Variants in CEP85L observed in about 807,000 individuals in gnomAD.
CEP85L encodes centrosomal protein 85L.
Under a neutral mutation model 100.3 loss-of-function variants are expected in CEP85L, and 60 were observed. That is an observed-to-expected ratio of 0.60 (90% CI 0.49 to 0.74). CEP85L has a LOEUF of 0.74. Among genes scored for constraint, CEP85L ranks in the 30% least tolerant of loss-of-function variants. The probability of loss-of-function intolerance (pLI) is 0.00; values close to 1 mark genes in which losing one functional copy is unlikely to be tolerated. For synonymous variants in CEP85L, 319 were observed against 322.7 expected, an observed-to-expected ratio of 0.99 and a Z score of 0.12; for missense variants, 973 against 936.2, an observed-to-expected ratio of 1.04 and a Z score of -0.51.
chr6:118,617,437 T>C lies in CEP85L; in HGVS notation c.232+15016A>G, dbSNP rs1048616874. ...ACTGTTTGTAAGTTCTATAAGATCC[T>C]GCTTTTTTGCTGTGCAGCTGCAAGG... On this transcript the variant is annotated intron_variant, in intron 2 of 12. Coordinates refer to ENST00000368491, the MANE Select transcript of CEP85L (RefSeq NM_001042475.3). Among the ~76,000 whole-genome samples the C allele has an allele frequency of 2.0e-5, 3 of 152,352 alleles. No homozygotes were observed. The South Asian group carries it at 6.2e-4, about 32-fold the overall frequency.
At position 118,566,135 on chromosome 6, in the gene CEP85L, C is replaced by T. The variant is rs202011854; in HGVS notation, c.414G>A (p.Arg138=). 27 of 1,614,048 alleles carry T rather than the reference C, an allele frequency of 1.7e-5. No homozygotes were observed. The highest frequency in any genetic ancestry group is 2.2e-5 in the South Asian group (2 of 91,090). Residue 138 remains arginine, a synonymous_variant, in exon 3 of 13, where the codon AGG becomes AGA. Coordinates refer to ENST00000368491, the MANE Select transcript of CEP85L (RefSeq NM_001042475.3). ...TGTCTAGGGAAGAGTCCTGCTCCCC[C>T]CTACTGTGGTTTCCCAATGTTTGCA... ...SLMQTLGNHS[R]GEQDSSLDMK... is the part of the protein sequence containing the mutation.
chr6:118,590,663 G>T (rs558451797), intron 2 of CEP85L, among the ~76,000 whole-genome samples: 37 of 152,010 alleles, frequency 2.4e-4, no homozygotes, highest in African/African-American at 8.4e-4. Context: ...TCAGCTTGGA[G>T]CCCCCCTCCA....
At position 118,480,524 on chromosome 6, in the gene CEP85L, A is replaced by G; in HGVS notation, c.1746-11T>C. The stretch of plus-strand genomic sequence containing the variant: ...ACTTTTTGTTGCAAACTATTTCAAA[A>G]GACAATTATATGAAGAAAATAAGCT... On this transcript the variant is annotated splice_polypyrimidine_tract_variant and intron_variant, in intron 8 of 12. Coordinates refer to ENST00000368491, the MANE Select transcript of CEP85L (RefSeq NM_001042475.3). 2 of 1,515,096 alleles carry G rather than the reference A, an allele frequency of 1.3e-6. No homozygotes were observed. The highest frequency in any genetic ancestry group is 1.1e-5 in the South Asian group (1 of 87,138). 93.9% of individuals were successfully genotyped at this position (1,515,096 alleles called of 1,614,324 possible). A position where few individuals can be genotyped will look rare whatever the true frequency, so the allele number is the denominator to read the frequency against.
intron 1 of CEP85L, among the ~76,000 whole-genome samples, chr6:118,645,640 C>T (rs1006728690): frequency 1.1e-4 from 17 of 152,178 alleles, no homozygotes; most frequent in African/African-American, 3.6e-4. Context: ...CAACCGCACT[C>T]CAGCCTGACT....
intron 3 of CEP85L, chr6:118,548,316 A>G (rs1330168339): frequency 6.6e-6 from 1 of 152,150 alleles, no homozygotes; most frequent in Non-Finnish European, 1.5e-5. Flanking sequence ...TGACAGAGTC[A>G]GAAAACTCCC....
At position 118,678,405 on chromosome 6, in the gene CEP85L, A is replaced by G. The variant is rs74527352; in HGVS notation, c.-27-25597T>C. Among the ~76,000 whole-genome samples, 91 of 152,352 alleles carry G rather than the reference A, an allele frequency of 6.0e-4. 2 individuals are homozygous for G. The East Asian group carries it at 0.017, about 29-fold the overall frequency. Reference sequence around the variant, plus strand: ...TCTGGCATCATTGTCAGAAACTGGGAGAATAAGTCCTTCATTCCCAAAGGC... The same window carrying G: ...TCTGGCATCATTGTCAGAAACTGGGGGAATAAGTCCTTCATTCCCAAAGGC... On this transcript the variant is annotated intron_variant, in intron 1 of 13. Transcript: ENST00000368488.
chr6:118,614,366 ATTC>A (rs1010965084), intron 2 of CEP85L, among the ~76,000 whole-genome samples: 23 of 152,306 alleles, frequency 1.5e-4, no homozygotes, highest in African/African-American at 5.5e-4. Context: ...ATTGTGCTAG[ATTC>A]TTCTAGTCAC....
chr6:118,645,945 C>T (rs1008084494), intron 1 of CEP85L, among the ~76,000 whole-genome samples: 3 of 152,126 alleles, frequency 2.0e-5, no homozygotes, highest in Admixed American at 6.5e-5. Context: ...TGGGGCCAGG[C>T]GTGGTGGCTC....
chr6:118,529,595 G>A (rs6930900), intron 3 of CEP85L, among the ~76,000 whole-genome samples: 94,737 of 136,936 alleles, frequency 0.69, 32,693 homozygotes, highest in Middle Eastern at 0.77. Context: ...GCGACAGAGC[G>A]AGACTCTGTC....
chr6:118,670,090 T>C (rs527729700), intron 1 of CEP85L, among the ~76,000 whole-genome samples: 8 of 152,092 alleles, frequency 5.3e-5, no homozygotes, highest in Non-Finnish European at 8.8e-5. Context: ...AAAGCATTTG[T>C]CAAGTGGCTT....
intron 2 of CEP85L, among the ~76,000 whole-genome samples, chr6:118,616,386 G>GT (rs1773046572): frequency 6.6e-6 from 1 of 151,852 alleles, no homozygotes; most frequent in Non-Finnish European, 1.5e-5. Flanking sequence ...AAAAACAAAA[G>GT]CCAGGAATGG....
chr6:118,611,115 AAAT>A (rs1423024699), intron 2 of CEP85L, among the ~76,000 whole-genome samples: 4 of 152,194 alleles, frequency 2.6e-5, no homozygotes, highest in Non-Finnish European at 5.9e-5. Flanking sequence ...AATTATGAAT[AAAT>A]AAAATAGGCT....
At chr6:118,538,032 AAG>A (rs1447448623) in intron 3 of CEP85L, 2 of 592,572 alleles carry the variant, frequency 3.4e-6, no homozygotes, top group Non-Finnish European at 4.2e-6. Flanking sequence ...TTTATTCACC[AAG>A]AGAAGGAAAA....
intron 2 of CEP85L, among the ~76,000 whole-genome samples, chr6:118,611,172 T>G (rs1445733213): frequency 6.6e-6 from 1 of 152,196 alleles, no homozygotes; most frequent in Non-Finnish European, 1.5e-5. Context: ...TGACAGTTGT[T>G]GGAAGTGGTT....
intron 5 of CEP85L, among the ~76,000 whole-genome samples, chr6:118,492,976 T>C (rs1041881361): frequency 5.9e-5 from 9 of 152,118 alleles, no homozygotes; most frequent in African/African-American, 2.2e-4. Flanking sequence ...AGACTCACCC[T>C]TTACAAACTC....
chr6:118,547,821 C>T lies in CEP85L; in HGVS notation c.1020+17708G>A, dbSNP rs142358015. Among the ~76,000 whole-genome samples the T allele has an allele frequency of 3.9e-5, 6 of 152,088 alleles. No homozygotes were observed. The East Asian group carries it at 1.2e-3, about 29-fold the overall frequency. On this transcript the variant is annotated intron_variant, in intron 3 of 12. Transcript: ENST00000368491. Reference sequence around the variant, plus strand: ...CAAGAACAAGAACAAAATAAGAAAACAGGTATAAAATTTTATTGTGTAAAA... The same window carrying T: ...CAAGAACAAGAACAAAATAAGAAAATAGGTATAAAATTTTATTGTGTAAAA...
intron 1 of CEP85L, among the ~76,000 whole-genome samples, chr6:118,706,962 C>T (rs767559602): frequency 1.3e-5 from 2 of 152,140 alleles, no homozygotes; most frequent in African/African-American, 4.8e-5. Flanking sequence ...TCCCTTTAAC[C>T]ATTCTCTTCA....
rs1431339013 is a variant in CEP85L, at chr6:118,680,343, TTTC to T, written c.-27-27538_-27-27536del. 1.7e-3 allele frequency among the ~76,000 whole-genome samples: 250 copies of T among 149,764 alleles called. 2 individuals are homozygous for T. Among genetic ancestry groups the T allele is most frequent in the African/African-American group, 6.0e-3 (245 of 40,500 alleles). ...TTTTTTTTTTTTTGACAAAGTTTAT[TTTC>T]TTCTTATTAAAAAAAAAAATCTGTT... On this transcript the variant is annotated intron_variant, in intron 1 of 13. Transcript: ENST00000368488.
chr6:118,652,661 G>C (rs1391460678), upstream of CEP85L: 1 of 1,528,956 alleles, frequency 6.5e-7, no homozygotes, highest in East Asian at 2.5e-5. Context: ...AAAATTCTTG[G>C]AAGTTAAATT....
Sources: gnomAD v4.1 joint callset for allele counts (sites outside exome capture counted in the v4.1 genomes callset) on GRCh38, gnomAD v4.1.1 for gene constraint, MANE v1.5 for transcripts, NCBI Gene and HGNC (gene_info 2026-07-23, HGNC 2026-07-21) for gene names.